SLC27A2: variants seen among roughly 807,000 people sequenced by gnomAD.
The protein encoded by SLC27A2 is long-chain fatty acid transport protein 2.
In SLC27A2, 54 loss-of-function variants were observed where a neutral mutation model predicts 60.0. The observed-to-expected ratio is 0.90, with a 90% CI of 0.72 to 1.13. The LOEUF is 1.13. Ranked by LOEUF, SLC27A2 falls within the 50% of genes most tolerant of loss-of-function variation. The pLI is 0.00. For synonymous variants in SLC27A2, 297 were observed against 297.6 expected (o/e 1.00, Z 0.02); for missense variants, 739 against 777.6 (o/e 0.95, Z 0.59).
Position 50,225,998 on chromosome 15 carries a change from C to T in SLC27A2, c.1178C>T (p.Thr393Ile), listed in dbSNP as rs990914548. Residue 393 changes from threonine (T) to isoleucine (I), a missense_variant, in exon 6 of 10, where the codon ACT becomes ATT. Coordinates refer to ENST00000267842, the MANE Select transcript of SLC27A2 (RefSeq NM_003645.4). The part of the protein sequence containing the change: ...RVNYLQKKII[T>I]YDLIKYDVEK... Reference sequence around the variant, plus strand: ...TTTTAATCTTGCTAGAAAATCATAACTTATGACCTGATTAAATATGATGTG... The same window carrying T: ...TTTTAATCTTGCTAGAAAATCATAATTTATGACCTGATTAAATATGATGTG... 3 of 1,590,672 alleles carry T rather than the reference C, an allele frequency of 1.9e-6. No individual in the cohort carries two copies. Among genetic ancestry groups the T allele is most frequent in the Non-Finnish European group, 2.6e-6 (3 of 1,158,990 alleles).
chr15:50,232,631 G>A (rs923966393), intron 8 of SLC27A2, among the ~76,000 whole-genome samples: 15 of 152,094 alleles, frequency 9.9e-5, no homozygotes, highest in African/African-American at 3.6e-4. Context: ...CGTAGGTCCA[G>A]CGTCGCTACT....
intron 4 of SLC27A2, among the ~76,000 whole-genome samples, chr15:50,220,803 C>A (rs574061586): frequency 7.4e-5 from 11 of 149,576 alleles, no homozygotes; most frequent in African/African-American, 2.2e-4. Flanking sequence ...TTCCAGGACA[C>A]GTATAGCCAG....
intron 2 of SLC27A2, among the ~76,000 whole-genome samples, chr15:50,201,316 A>G (rs889235349): frequency 2.0e-5 from 3 of 152,148 alleles, no homozygotes; most frequent in Non-Finnish European, 4.4e-5. Context: ...GAATTTATCC[A>G]AAAGATATGG....
chr15:50,209,179 C>T (rs778108740), intron 4 of SLC27A2, among the ~76,000 whole-genome samples: 9 of 152,152 alleles, frequency 5.9e-5, no homozygotes, highest in African/African-American at 9.7e-5. Context: ...TGAATAGATT[C>T]AACTTACCTC....
At chr15:50,229,153 T>C in intron 8 of SLC27A2, 111 bp downstream of exon 8, 1 of 691,150 alleles carries the variant, frequency 1.4e-6, no homozygotes, top group South Asian at 1.9e-5. Flanking sequence ...TAAACAGTTC[T>C]TTCAGCTGCC....
intron 1 of SLC27A2, among the ~76,000 whole-genome samples, chr15:50,186,074 CAA>C (rs113680166): frequency 2.2e-5 from 3 of 135,664 alleles, no homozygotes; most frequent in African/African-American, 5.4e-5. Flanking sequence ...CCCATCTCTA[CAA>C]AAAAAAAAAA....
chr15:50,233,974 A>G lies in SLC27A2; in HGVS notation c.1662A>G (p.Ala554=). ...QHIADYLPSY[A]RPRFLRIQDT... ...TTGCTGATTACCTACCTAGTTATGC[A>G]AGGCCCCGGTTTCTAAGAATACAGG... Residue 554 remains alanine, a synonymous_variant, in exon 9 of 10, where the codon GCA becomes GCG. Transcript: ENST00000267842. The G allele has an allele frequency of 6.2e-7, 1 of 1,612,818 alleles. No individual in the cohort carries two copies.
rs542796988 is a variant in SLC27A2 at position 50,211,730 on chromosome 15, AC to A, written c.972+6368del. 1.5e-3 allele frequency among the ~76,000 whole-genome samples: 227 copies of A among 152,230 alleles called. 2 individuals carry two copies. The highest frequency in any genetic ancestry group is 7.0e-3 in the South Asian group (34 of 4,828). Reference sequence around the variant, plus strand: ...GCCCAATGCAAGGAAATCCAAAAAAACGTTACAAGAGTGAAAGGAGAAATAT... The same window carrying A: ...GCCCAATGCAAGGAAATCCAAAAAAAGTTACAAGAGTGAAAGGAGAAATAT... On this transcript the variant is annotated intron_variant, in intron 4 of 9. Transcript: ENST00000267842.
At chr15:50,216,255 C>T (rs1233490572) in intron 4 of SLC27A2, among the ~76,000 whole-genome samples, 3 of 151,892 alleles carry the variant, frequency 2.0e-5, no homozygotes, top group Admixed American at 6.6e-5. Context: ...AACTACAATG[C>T]GATACCACCT....
At chr15:50,198,888 C>A (rs987107841) in intron 2 of SLC27A2, among the ~76,000 whole-genome samples, 18 of 152,128 alleles carry the variant, frequency 1.2e-4, no homozygotes, top group Non-Finnish European at 2.5e-4. Flanking sequence ...CCTCAGCACC[C>A]ACCTGAGCTC....
At chr15:50,228,811 G>A (rs931145603) in intron 7 of SLC27A2, 134 bp from the exon 8 acceptor site, 1 of 656,510 alleles carries the variant, frequency 1.5e-6, no homozygotes, top group Non-Finnish European at 2.8e-6. Flanking sequence ...ACTAAGTTGG[G>A]GAGTTTGAGG....
In SLC27A2 at chr15:50,236,338, C is replaced by CATT; in HGVS notation, c.*246_*248dup. On this transcript the variant is annotated 3_prime_UTR_variant, in exon 10 of 10. Transcript: ENST00000267842. ...CAAACTGAGCTTGTTGGAGGGAAGG[C>CATT]ATTATTTTTTAAAATACTTAGTAAA... 1 of 366,272 alleles carries CATT rather than the reference C, an allele frequency of 2.7e-6. No homozygotes were observed. The highest frequency in any genetic ancestry group is 8.9e-5 in the South Asian group (1 of 11,268). 22.7% of individuals were successfully genotyped at this position (366,272 alleles called of 1,614,324 possible).
intron 3 of SLC27A2, among the ~76,000 whole-genome samples, chr15:50,204,719 C>A (rs1451007590): frequency 6.7e-6 from 1 of 149,756 alleles, no homozygotes; most frequent in Admixed American, 6.7e-5. Context: ...GGTGACAGAG[C>A]GAGACTCTGT....
intron 2 of SLC27A2, among the ~76,000 whole-genome samples, chr15:50,199,517 T>C (rs1166453381): frequency 6.6e-6 from 1 of 151,842 alleles, no homozygotes; most frequent in African/African-American, 2.4e-5. Flanking sequence ...GAAAACCCCT[T>C]TTAGGGAGAA....
At chr15:50,227,203 C>A (rs1201590313) in intron 7 of SLC27A2, 25 bp downstream of exon 7, 3 of 1,575,328 alleles carry the variant, frequency 1.9e-6, no homozygotes, top group East Asian at 2.2e-5. Flanking sequence ...ATCATTGAGC[C>A]AAAAACAAAC....
At chr15:50,228,767 C>A (rs1462014443) in intron 7 of SLC27A2, among the ~76,000 whole-genome samples, 178 bp from the exon 8 acceptor site, 1 of 152,096 alleles carries the variant, frequency 6.6e-6, no homozygotes, top group African/African-American at 2.4e-5. Context: ...TATACTTTTC[C>A]CTTTTATGCC....
chr15:50,199,793 G>A (rs570627866), intron 2 of SLC27A2, among the ~76,000 whole-genome samples: 1 of 152,028 alleles, frequency 6.6e-6, no homozygotes, highest in African/African-American at 2.4e-5. Flanking sequence ...AGCTGGCATA[G>A]TGGTACACCT....
intron 4 of SLC27A2, among the ~76,000 whole-genome samples, chr15:50,210,261 C>G (rs1458413210): frequency 6.6e-6 from 1 of 152,140 alleles, no homozygotes; most frequent in Non-Finnish European, 1.5e-5. Context: ...ACCCACAGAC[C>G]CTCTGAAAGA....
At chr15:50,183,009 G>T in intron 1 of SLC27A2, 104 bp downstream of exon 1, 1 of 1,143,560 alleles carries the variant, frequency 8.7e-7, no homozygotes. Context: ...GTTCAGATCG[G>T]AACTGTAGGT....
Sources: gnomAD v4.1 joint callset for allele counts (sites outside exome capture counted in the v4.1 genomes callset) on GRCh38, gnomAD v4.1.1 for gene constraint, MANE v1.5 for transcripts, NCBI Gene and HGNC (gene_info 2026-07-23, HGNC 2026-07-21) for gene names.